The following LNPEP variants were observed in gnomAD, a reference collection of about 807,000 sequenced individuals.
The protein encoded by LNPEP is leucyl-cystinyl aminopeptidase.
A neutral mutation model predicts 120.6 loss-of-function variants in LNPEP; 64 were observed. That is an observed-to-expected ratio of 0.53 (90% CI 0.43 to 0.65). The LOEUF is 0.65. Among genes scored for constraint, LNPEP ranks in the 30% least tolerant of loss-of-function variants. The probability of loss-of-function intolerance (pLI) is 0.00; values close to 1 mark genes in which losing one functional copy is unlikely to be tolerated. For synonymous variants in LNPEP, 435 were observed against 425.4 expected, an observed-to-expected ratio of 1.02 and a Z score of -0.28; for missense variants, 1,057 against 1,200.0, an observed-to-expected ratio of 0.88 and a Z score of 1.76.
Position 97,014,910 on chromosome 5 carries a change from T to C in LNPEP, c.2220-29T>C, listed in dbSNP as rs771517877. 6 of 1,470,860 alleles carry C rather than the reference T, an allele frequency of 4.1e-6. No homozygotes were observed. In the East Asian group the frequency reaches 1.0e-4, roughly 25 times the overall value. The allele number at this position is 1,470,860 out of a possible 1,614,324, so 91.1% of individuals were successfully genotyped here. ...GACTTCTTCTGTGTGTCTCTGCATA[T>C]TTACTTTTCCTGTTCTTTTATCCTT... On this transcript the variant is annotated intron_variant, in intron 12 of 17. Coordinates refer to ENST00000231368, the MANE Select transcript of LNPEP (RefSeq NM_005575.3).
chr5:96,998,294 A>G, intron 8 of LNPEP, 149 bp downstream of exon 8: 2 of 663,728 alleles, frequency 3.0e-6, no homozygotes, highest in Non-Finnish European at 4.7e-6. Flanking sequence ...TTCTGTATAA[A>G]TCTTGGTCAT....
intron 2 of LNPEP, among the ~76,000 whole-genome samples, chr5:96,984,284 G>A (rs935839758): frequency 2.6e-5 from 4 of 152,184 alleles, no homozygotes; most frequent in African/African-American, 9.7e-5. Context: ...ATATGTTTAC[G>A]TGTAAGTGTG....
rs74941343 is a variant in LNPEP, at chr5:96,986,305, G to A, written c.1000-234G>A. Among the ~76,000 whole-genome samples the A allele has an allele frequency of 0.031, 4,701 of 152,182 alleles. 134 individuals carry two copies. The highest frequency in any genetic ancestry group is 0.089 in the South Asian group (427 of 4,814). On this transcript the variant is annotated intron_variant, in intron 3 of 17. Transcript: ENST00000231368. ...ACTTAACATTTATTTGGTCATCTTT[G>A]GGACTAAAAACTCCTTGAGGAGTTT...
At chr5:97,009,109 C>T (rs2112651468) in intron 11 of LNPEP, among the ~76,000 whole-genome samples, 1 of 152,316 alleles carries the variant, frequency 6.6e-6, no homozygotes, top group South Asian at 2.1e-4. Context: ...GCAACTCAAA[C>T]ATGCCATACT....
intron 1 of LNPEP, among the ~76,000 whole-genome samples, chr5:96,960,886 T>G (rs1168579984): frequency 6.6e-6 from 1 of 152,142 alleles, no homozygotes; most frequent in African/African-American, 2.4e-5. Flanking sequence ...ATATGTTTTT[T>G]TTTTCCATAA....
chr5:97,010,590 A>G lies in LNPEP; in HGVS notation c.2036-3058A>G, dbSNP rs746182282. The stretch of plus-strand genomic sequence containing the variant: ...GTAAAAACGGGTTTTTTAGTTTCAG[A>G]ACTTTAGTTTTTTTGTAAAACAGTA... On this transcript the variant is annotated intron_variant, in intron 11 of 17. Transcript: ENST00000231368. 465 of 985,298 alleles carry G rather than the reference A, an allele frequency of 4.7e-4. 1 individual carries two copies. The highest frequency in any genetic ancestry group is 3.1e-3 in the Middle Eastern group (6 of 1,914). The allele number at this position is 985,298 out of a possible 1,614,324, so 61.0% of individuals were successfully genotyped here. A position where few individuals can be genotyped will look rare whatever the true frequency, so the allele number is the denominator to read the frequency against.
In LNPEP at chr5:97,032,362, T is replaced by C. The variant is rs1042351029; in HGVS notation, c.*3829T>C. 1 of 152,208 alleles carries C rather than the reference T, an allele frequency of 6.6e-6. No homozygotes were observed. Among genetic ancestry groups the C allele is most frequent in the African/African-American group, 2.4e-5 (1 of 41,456 alleles). The allele number at this position is 152,208 out of a possible 1,614,324, so 9.4% of individuals were successfully genotyped here. On this transcript the variant is annotated 3_prime_UTR_variant, in exon 18 of 18. Coordinates refer to ENST00000231368, the MANE Select transcript of LNPEP (RefSeq NM_005575.3). ...TGCCAGTTAAGTACTACCTGAAAAG[T>C]AGCGGTTCAAAAGTATGGTAAATCT...
intron 1 of LNPEP, among the ~76,000 whole-genome samples, chr5:96,955,492 G>A (rs1239797735): frequency 6.6e-6 from 1 of 152,186 alleles, no homozygotes; most frequent in Non-Finnish European, 1.5e-5. Context: ...ATGCACGCCT[G>A]TAGTCCCAGC....
intron 1 of LNPEP, among the ~76,000 whole-genome samples, chr5:96,964,453 T>C (rs1789680531): frequency 6.6e-6 from 1 of 152,094 alleles, no homozygotes; most frequent in Non-Finnish European, 1.5e-5. Context: ...TGGATATTTA[T>C]TTAAATGTTT....
chr5:96,956,235 A>G (rs1789463124), intron 1 of LNPEP, among the ~76,000 whole-genome samples: 1 of 152,264 alleles, frequency 6.6e-6, no homozygotes, highest in South Asian at 2.1e-4. Context: ...TGTATCTAAT[A>G]GTTCTCTCTA....
intron 4 of LNPEP, among the ~76,000 whole-genome samples, chr5:96,988,072 C>A (rs1253583654): frequency 1.3e-5 from 2 of 151,206 alleles, no homozygotes; most frequent in South Asian, 2.1e-4. Context: ...TGGTATAAAA[C>A]CCCCAGCACT....
intron 10 of LNPEP, 43 bp downstream of exon 10, chr5:97,006,276 C>A: frequency 6.6e-7 from 1 of 1,509,590 alleles, no homozygotes; most frequent in South Asian, 1.2e-5. Context: ...TTTGCACTCT[C>A]AGGTGGAAAT....
rs1296359198 is a variant in LNPEP at position 97,029,833 on chromosome 5, C to T, written c.*1300C>T. 1 of 152,148 alleles carries T rather than the reference C, an allele frequency of 6.6e-6. No individual in the cohort carries two copies. Among genetic ancestry groups the T allele is most frequent in the Non-Finnish European group, 1.5e-5 (1 of 67,990 alleles). The allele number at this position is 152,148 out of a possible 1,614,324, so 9.4% of individuals were successfully genotyped here. On this transcript the variant is annotated 3_prime_UTR_variant, in exon 18 of 18. Coordinates refer to ENST00000231368, the MANE Select transcript of LNPEP (RefSeq NM_005575.3). ...ATGTCCGAAACTGTATGGCATTTTA[C>T]TCCTTCTGAAAGAGAAATACTGTAC... is the stretch of plus-strand genomic sequence containing the variant.
rs1418306028 is a variant in LNPEP, at chr5:97,032,137, G to A, written c.*3604G>A. On this transcript the variant is annotated 3_prime_UTR_variant, in exon 18 of 18. Transcript: ENST00000231368. The stretch of plus-strand genomic sequence containing the variant: ...ACTAGATGTGGATTTTGTTACTTAG[G>A]CCTCTCTAAAAACTGAGGCCATGGA... 1 of 152,120 alleles carries A rather than the reference G, an allele frequency of 6.6e-6. No individual in the cohort carries two copies. The highest frequency in any genetic ancestry group is 2.4e-5 in the African/African-American group (1 of 41,420). 9.4% of individuals were successfully genotyped at this position (152,120 alleles called of 1,614,324 possible).
chr5:97,030,620 C>CTGTGTGTGTGTGTGTGTG lies in LNPEP; in HGVS notation c.*2119_*2136dup, dbSNP rs3836860. ...CATTTCTCTCCCTCTCTCTCTCTCT[C>CTGTGTGTGTGTGTGTGTG]TGTGTGTGTGTGTGTGTGTGTGTGT... On this transcript the variant is annotated 3_prime_UTR_variant, in exon 18 of 18. Coordinates refer to ENST00000231368, the MANE Select transcript of LNPEP (RefSeq NM_005575.3). 8 of 126,274 alleles carry CTGTGTGTGTGTGTGTGTG rather than the reference C, an allele frequency of 6.3e-5. No homozygotes were observed. Among genetic ancestry groups the CTGTGTGTGTGTGTGTGTG allele is most frequent in the Non-Finnish European group, 1.2e-4 (7 of 59,456 alleles). 7.8% of individuals were successfully genotyped at this position (126,274 alleles called of 1,614,324 possible).
intron 7 of LNPEP, among the ~76,000 whole-genome samples, chr5:96,997,010 C>A (rs78750342): frequency 1.3e-5 from 2 of 151,784 alleles, no homozygotes; most frequent in African/African-American, 4.8e-5. Flanking sequence ...AGGTACAAAC[C>A]ACATTTTATG....
rs991709463 is a variant in LNPEP, at chr5:97,024,430, C to T, written c.2562-91C>T. On this transcript the variant is annotated intron_variant, in intron 14 of 17. Transcript: ENST00000231368. ...CTCAAACTTGTTATTATTACCAACC[C>T]TCACACCAGAAACTCCACCACAGCC... 5 of 1,214,862 alleles carry T rather than the reference C, an allele frequency of 4.1e-6. No individual in the cohort carries two copies. In the African/African-American group the frequency reaches 4.6e-5, roughly 11 times the overall value. The allele number at this position is 1,214,862 out of a possible 1,614,324, so 75.3% of individuals were successfully genotyped here. A position where few individuals can be genotyped will look rare whatever the true frequency, so the allele number is the denominator to read the frequency against.
Position 97,026,806 on chromosome 5 carries a change from T to C in LNPEP, c.2864+49T>C, listed in dbSNP as rs1472764648. The stretch of plus-strand genomic sequence containing the variant: ...ACTTTTAGTATTCTCAAGTTGTGCA[T>C]TTGAAAAAAGCTCCCAGTGTTTTGG... On this transcript the variant is annotated intron_variant, in intron 16 of 17. Transcript: ENST00000231368. 2.6e-6 allele frequency: 4 copies of C among 1,528,852 alleles called. No individual in the cohort carries two copies. The South Asian group carries it at 4.8e-5, about 18-fold the overall frequency. The allele number at this position is 1,528,852 out of a possible 1,614,324, so 94.7% of individuals were successfully genotyped here.
chr5:96,936,986 C>G (rs1001992785), intron 1 of LNPEP: 1 of 152,218 alleles, frequency 6.6e-6, no homozygotes, highest in Non-Finnish European at 1.5e-5. Context: ...TTTGTGCGGA[C>G]CAGAAGTGCC....
Sources: allele counts gnomAD v4.1 joint callset (sites outside exome capture counted in the v4.1 genomes callset), GRCh38; gene constraint gnomAD v4.1.1; transcripts MANE v1.5; gene names NCBI Gene and HGNC (gene_info 2026-07-23, HGNC 2026-07-21).